The following PCDHGA1 variants were observed in gnomAD, a reference collection of about 807,000 sequenced individuals.
PCDHGA1 encodes protocadherin gamma subfamily A, 1, also known as protocadherin gamma-A1.
Under a neutral mutation model 58.0 loss-of-function variants are expected in PCDHGA1, and 32 were observed. That is an observed-to-expected ratio of 0.55 (90% CI 0.42 to 0.74). PCDHGA1 has a LOEUF of 0.74. PCDHGA1 is among the 30% of genes least tolerant of loss of function. The pLI is 0.00. For synonymous variants in PCDHGA1, 498 were observed against 501.1 expected, an observed-to-expected ratio of 0.99 and a Z score of 0.08; for missense variants, 1,205 against 1,182.3, an observed-to-expected ratio of 1.02 and a Z score of -0.28.
chr5:141,503,221 C>A (rs528636727), intron 2 of PCDHGA1, among the ~76,000 whole-genome samples: 2 of 151,956 alleles, frequency 1.3e-5, no homozygotes, highest in Non-Finnish European at 2.9e-5. Context: ...CCATGAGCAC[C>A]GTAAAGATGG....
Position 141,409,297 on chromosome 5 carries a change from T to TGTGAATG in PCDHGA1, c.2421+76194_2421+76195insGAATGGT, listed in dbSNP as rs774936669. On this transcript the variant is annotated intron_variant, in intron 1 of 3. Transcript: ENST00000517417. ...TGGAGAATTCACCTCCAGGAATGGT[T>TGTGAATG]GTTGCCCTCTTCAAAACACGGGATC... The TGTGAATG allele has an allele frequency of 1.3e-5, 21 of 1,613,888 alleles. No homozygotes were observed. In the African/African-American group the frequency reaches 2.7e-4, roughly 21 times the overall value.
intron 1 of PCDHGA1, chr5:141,403,713 A>G (rs2094445702): frequency 2.5e-6 from 4 of 1,613,946 alleles, no homozygotes; most frequent in Non-Finnish European, 2.5e-6. Flanking sequence ...GTCCTTGAGA[A>G]CGTGCCCCCA....
At chr5:141,351,943 C>A (rs548781270) in intron 1 of PCDHGA1, 5 of 1,613,168 alleles carry the variant, frequency 3.1e-6, no homozygotes, top group Non-Finnish European at 1.7e-6. Context: ...TGCTGTACCC[C>A]GCGCTGGGGC....
intron 1 of PCDHGA1, chr5:141,339,776 G>T (rs778896419): frequency 9.9e-6 from 16 of 1,614,188 alleles, no homozygotes; most frequent in Non-Finnish European, 1.4e-5. Flanking sequence ...CGCCACTGAC[G>T]CAGATGAGGG....
chr5:141,418,433 C>A (rs761824602), intron 1 of PCDHGA1: 6 of 1,613,820 alleles, frequency 3.7e-6, no homozygotes, highest in South Asian at 3.3e-5. Flanking sequence ...TGGCAAATAT[C>A]CAGAATTAGT....
chr5:141,365,739 C>G (rs368437640), intron 1 of PCDHGA1: 1 of 1,613,674 alleles, frequency 6.2e-7, no homozygotes, highest in African/African-American at 1.3e-5. Context: ...AGAGGTGTCT[C>G]TATCTTCTCT....
chr5:141,400,384 G>A (rs1335444355), intron 1 of PCDHGA1: 2 of 1,614,054 alleles, frequency 1.2e-6, no homozygotes, highest in South Asian at 1.1e-5. Flanking sequence ...CCTATGTGTT[G>A]CACATACAGG....
chr5:141,384,788 G>C (rs765446040), intron 1 of PCDHGA1: 21 of 1,613,120 alleles, frequency 1.3e-5, no homozygotes, highest in African/African-American at 2.7e-5. Context: ...CGCACGGCTC[G>C]GGCCCTGCTG....
In PCDHGA1 at chr5:141,486,563, G is replaced by A. The variant is rs558244990; in HGVS notation, c.2422-8244G>A. The A allele has an allele frequency of 1.2e-6, 2 of 1,614,006 alleles. No homozygotes were observed. The highest frequency in any genetic ancestry group is 1.7e-6 in the Non-Finnish European group (2 of 1,180,036). On this transcript the variant is annotated intron_variant, in intron 1 of 3. Coordinates refer to ENST00000517417, the MANE Select transcript of PCDHGA1 (RefSeq NM_018912.3). The surrounding 1 kb of genome is among the most constrained non-coding windows in gnomAD (Gnocchi z 5.0). ...CTTTCAGAGGTCACATGAGGTGTTTGTTCCTGAGAACAATCGCCCAGGGGA... is the reference window on the plus strand; with the variant it reads ...CTTTCAGAGGTCACATGAGGTGTTTATTCCTGAGAACAATCGCCCAGGGGA...
chr5:141,382,869 T>C (rs887588063), intron 1 of PCDHGA1: 1 of 1,519,592 alleles, frequency 6.6e-7, no homozygotes, highest in Non-Finnish European at 8.8e-7. Flanking sequence ...CTTCCCGAGA[T>C]CGGCGCCTAA....
intron 1 of PCDHGA1, chr5:141,357,390 C>T (rs367807527): frequency 3.1e-6 from 5 of 1,614,122 alleles, no homozygotes; most frequent in Non-Finnish European, 4.2e-6. Flanking sequence ...CTGAAGGCAG[C>T]AGGTTGGCAG....
intron 1 of PCDHGA1, chr5:141,340,409 G>T (rs999425469): frequency 8.7e-6 from 14 of 1,614,084 alleles, no homozygotes; most frequent in Non-Finnish European, 1.2e-5. Context: ...CCATGACCCC[G>T]ACAGCAACGA....
At chr5:141,423,067 G>C (rs757110751) in intron 1 of PCDHGA1, 36 of 1,614,024 alleles carry the variant, frequency 2.2e-5, no homozygotes, top group Non-Finnish European at 2.9e-5. Context: ...TAAGGCCAGC[G>C]AGCCGGGACT....
At chr5:141,434,763 C>T (rs2097714876) in intron 1 of PCDHGA1, among the ~76,000 whole-genome samples, 1 of 151,296 alleles carries the variant, frequency 6.6e-6, no homozygotes, top group South Asian at 2.1e-4. Flanking sequence ...TTCCCCACTT[C>T]ACACTTCTAA....
intron 1 of PCDHGA1, chr5:141,345,598 AC>A: frequency 3.1e-6 from 5 of 1,614,168 alleles, no homozygotes; most frequent in Middle Eastern, 3.3e-4. Context: ...TCCTTCGACT[AC>A]GAGCAATTTA....
chr5:141,354,058 A>C (rs901955724), intron 1 of PCDHGA1, among the ~76,000 whole-genome samples: 3 of 152,234 alleles, frequency 2.0e-5, no homozygotes, highest in African/African-American at 7.2e-5. Context: ...ATGATAATCC[A>C]TGTTCGGCTA....
chr5:141,382,486 C>T (rs1278703321), intron 1 of PCDHGA1, among the ~76,000 whole-genome samples: 1 of 152,192 alleles, frequency 6.6e-6, no homozygotes, highest in African/African-American at 2.4e-5. Flanking sequence ...GATTATCAAA[C>T]ACCGGTCCAT....
rs766038218 is a variant in PCDHGA1 at position 141,398,581 on chromosome 5, T to C, written c.2421+65476T>C. The stretch of plus-strand genomic sequence containing the variant: ...TGAGTCTGCACAGCCTGGCACAAGA[T>C]TTATACTAGAAGTAGCAGAAGATGC... On this transcript the variant is annotated intron_variant, in intron 1 of 3. Transcript: ENST00000517417. The C allele has an allele frequency of 1.2e-5, 20 of 1,614,028 alleles. No individual in the cohort carries two copies. In the Admixed American group the frequency reaches 2.2e-4, roughly 17 times the overall value.
chr5:141,409,903 G>A (rs570063514), intron 1 of PCDHGA1: 1 of 1,613,268 alleles, frequency 6.2e-7, no homozygotes, highest in Non-Finnish European at 8.5e-7. Flanking sequence ...ACCCAGCTCT[G>A]GGTCCTGACG....
Sources: gnomAD v4.1 joint callset for allele counts (sites outside exome capture counted in the v4.1 genomes callset) on GRCh38, gnomAD v4.1.1 for gene constraint, Gnocchi (gnomAD v3.1) non-coding constraint, MANE v1.5 for transcripts, NCBI Gene and HGNC (gene_info 2026-07-23, HGNC 2026-07-21) for gene names.